OCLN: variants seen among roughly 807,000 people sequenced by gnomAD.
OCLN encodes the protein phosphatase 1, regulatory subunit 115.
Under a neutral mutation model 47.9 loss-of-function variants are expected in OCLN, and 21 were observed. The ratio of observed to expected loss-of-function variants is 0.44; its 90% confidence interval spans 0.31 to 0.63. The LOEUF (loss-of-function observed/expected upper bound fraction) is 0.63, where lower values mean the gene tolerates loss of function less well. Ranked by LOEUF, OCLN falls within the 30% of genes least tolerant of loss-of-function variation. OCLN has a pLI of 0.08. For missense variants in OCLN, 360 were observed against 571.0 expected, an observed-to-expected ratio of 0.63 and a Z score of 3.77; for synonymous variants, 117 against 198.4, an observed-to-expected ratio of 0.59 and a Z score of 3.45.
intron 4 of OCLN, among the ~76,000 whole-genome samples, chr5:69,514,914 G>C (rs1265025529): frequency 1.3e-5 from 2 of 152,184 alleles, no homozygotes; most frequent in Admixed American, 6.5e-5. Flanking sequence ...AAAGTCTCCC[G>C]TGTCTACCAC....
At position 69,509,620 on chromosome 5, in the gene OCLN, TAGTG is replaced by T; in HGVS notation, c.535_538del (p.Ser179LeufsTer15). 1 of 1,614,196 alleles carries T rather than the reference TAGTG, an allele frequency of 6.2e-7. No individual in the cohort carries two copies. Among genetic ancestry groups the T allele is most frequent in the Middle Eastern group, 1.6e-4 (1 of 6,062 alleles). On this transcript the variant is annotated frameshift_variant, in exon 3 of 9. Transcript: ENST00000396442. LOFTEE classifies it high-confidence loss of function. ...AGAAGATACTACTTAAGTGTGATAA[TAGTG>T]AGTGCTATCCTGGGCATCATGGTGT... is the stretch of plus-strand genomic sequence containing the variant.
rs757558128 is a variant in OCLN, at chr5:69,504,269, C to T, written c.25C>T (p.Pro9Ser). The T allele has an allele frequency of 6.2e-7, 1 of 1,608,258 alleles. No individual in the cohort carries two copies. Among genetic ancestry groups the T allele is most frequent in the Non-Finnish European group, 8.5e-7 (1 of 1,174,744 alleles). Residue 9 changes from proline to serine, a missense_variant, in exon 2 of 9, where the codon CCA (proline) becomes TCA (serine). Pro to Ser is a moderately conservative substitution (Grantham distance 74). Coordinates refer to ENST00000396442, the MANE Select transcript of OCLN (RefSeq NM_001205254.2). ...CATGTCATCCAGGCCTCTTGAAAGT[C>T]CACCTCCTTACAGGCCTGATGAATT... MSSRPLES[P>S]PPYRPDEFKP...
chr5:69,497,000 G>C (rs1017359792), intron 1 of OCLN, among the ~76,000 whole-genome samples: 7 of 152,092 alleles, frequency 4.6e-5, no homozygotes, highest in Non-Finnish European at 8.8e-5. Flanking sequence ...ATGTTGCTGT[G>C]CTGGGCATTG....
In OCLN at chr5:69,493,768, G is replaced by A. The variant is rs1768212001; in HGVS notation, c.-69+868G>A. 6.6e-6 allele frequency among the ~76,000 whole-genome samples: 1 copy of A among 152,206 alleles called. No homozygotes were observed. The highest frequency in any genetic ancestry group is 1.5e-5 in the Non-Finnish European group (1 of 68,014). ...TTTGGGGACCTCCGGGACTGGGCCG[G>A]CCCCGCGCGCCAGCCATGTTGCCTG... On this transcript the variant is annotated intron_variant, in intron 1 of 8. Transcript: ENST00000396442. This position sits in a 1 kb window ranked among gnomAD's most constrained non-coding sequence, Gnocchi z 5.3.
Position 69,509,404 on chromosome 5 carries a change from C to G in OCLN, c.314C>G (p.Pro105Arg), listed in dbSNP as rs1768706881. Reference sequence around the variant, plus strand: ...CTTTTAGGAGGTAGTGTAGGCTACCCTTATGGAGGAAGTGGCTTTGGTAGC... The same window carrying G: ...CTTTTAGGAGGTAGTGTAGGCTACCGTTATGGAGGAAGTGGCTTTGGTAGC... ...TSLLGGSVGY[P>R]YGGSGFGSYG... Residue 105 changes from proline (P) to arginine (R), a missense_variant, in exon 3 of 9, where the codon CCT becomes CGT. Physicochemically the swap from Pro to Arg is moderately radical, Grantham distance 103 (BLOSUM62 -2). Coordinates refer to ENST00000396442, the MANE Select transcript of OCLN (RefSeq NM_001205254.2). 6.2e-7 allele frequency: 1 copy of G among 1,614,016 alleles called. No homozygotes were observed. The highest frequency in any genetic ancestry group is 1.7e-5 in the Admixed American group (1 of 60,002).
intron 4 of OCLN, among the ~76,000 whole-genome samples, chr5:69,525,311 A>G (rs1769247691): frequency 6.6e-6 from 1 of 151,714 alleles, no homozygotes; most frequent in Non-Finnish European, 1.5e-5. Context: ...TCGCCATGTT[A>G]GCCAGGATGG....
intron 4 of OCLN, among the ~76,000 whole-genome samples, chr5:69,525,322 T>G (rs1004506470): frequency 6.6e-6 from 1 of 152,054 alleles, no homozygotes; most frequent in Non-Finnish European, 1.5e-5. Flanking sequence ...GCCAGGATGG[T>G]CTCGATCTCC....
chr5:69,515,142 C>T (rs1455114491), intron 4 of OCLN, among the ~76,000 whole-genome samples: 1 of 142,404 alleles, frequency 7.0e-6, no homozygotes, highest in Non-Finnish European at 1.5e-5. Flanking sequence ...GGGCGGCTGG[C>T]CGGGCGGGGG....
chr5:69,504,119 G>A (rs1768531246), intron 1 of OCLN, 58 bp from the exon 2 acceptor site: 1 of 745,328 alleles, frequency 1.3e-6, no homozygotes, highest in South Asian at 1.5e-5. Context: ...GTGGGATGAA[G>A]AAAAGAAAGA....
At chr5:69,502,111 A>G (rs1768474445) in intron 1 of OCLN, among the ~76,000 whole-genome samples, 1 of 152,042 alleles carries the variant, frequency 6.6e-6, no homozygotes, top group South Asian at 2.1e-4. Flanking sequence ...AGGCAGGAGA[A>G]TCGCTTGAAG....
At chr5:69,513,163 G>A (rs1315574722) in intron 3 of OCLN, among the ~76,000 whole-genome samples, 1 of 152,140 alleles carries the variant, frequency 6.6e-6, no homozygotes, top group East Asian at 1.9e-4. Context: ...CAGCTGGAAG[G>A]AGAGCCTCTT....
intron 4 of OCLN, among the ~76,000 whole-genome samples, chr5:69,529,406 C>T (rs1222083614): frequency 1.3e-5 from 2 of 152,206 alleles, no homozygotes; most frequent in African/African-American, 2.4e-5. Context: ...AATTTATCCT[C>T]ATAATTACCT....
At chr5:69,525,294 C>T (rs898924391) in intron 4 of OCLN, among the ~76,000 whole-genome samples, 2 of 151,680 alleles carry the variant, frequency 1.3e-5, no homozygotes, top group Admixed American at 6.6e-5. Flanking sequence ...TTAGTCTAGA[C>T]GGGGTTTCGC....
chr5:69,516,944 C>T (rs1481532609), intron 4 of OCLN, among the ~76,000 whole-genome samples: 10 of 152,080 alleles, frequency 6.6e-5, no homozygotes. Flanking sequence ...CCTGTAGTCC[C>T]AGCTACTCAG....
chr5:69,519,555 C>CTTTT (rs1289430207), intron 4 of OCLN, among the ~76,000 whole-genome samples: 6 of 152,100 alleles, frequency 3.9e-5, no homozygotes, highest in Non-Finnish European at 7.4e-5. Context: ...CTTTTATAGT[C>CTTTT]ACTCAGATGG....
intron 4 of OCLN, among the ~76,000 whole-genome samples, chr5:69,526,381 T>C (rs1256246538): frequency 6.6e-6 from 1 of 152,164 alleles, no homozygotes; most frequent in Non-Finnish European, 1.5e-5. Context: ...CTGCAGATGA[T>C]TGGCTCACAG....
chr5:69,533,050 CATATATACATAT>C (rs1769484457), intron 4 of OCLN, among the ~76,000 whole-genome samples: 1 of 143,140 alleles, frequency 7.0e-6, no homozygotes, highest in Non-Finnish European at 1.5e-5. Context: ...TATATATACA[CATATATACATAT>C]ATATATACAC....
chr5:69,509,082 G>C, intron 2 of OCLN, 59 bp from the exon 3 acceptor site: 2 of 1,389,762 alleles, frequency 1.4e-6, no homozygotes, highest in Non-Finnish European at 1.0e-6. Context: ...AATAAGTTGT[G>C]TTCTTTCTGC....
At chr5:69,519,454 G>A (rs549175677) in intron 4 of OCLN, among the ~76,000 whole-genome samples, 11 of 152,184 alleles carry the variant, frequency 7.2e-5, no homozygotes, top group South Asian at 6.2e-4. Context: ...GCCCTTCTTA[G>A]GGCTTTTTTT....
Sources: gnomAD v4.1 joint callset for allele counts (sites outside exome capture counted in the v4.1 genomes callset) on GRCh38, gnomAD v4.1.1 for gene constraint, Gnocchi (gnomAD v3.1) non-coding constraint, MANE v1.5 for transcripts, NCBI Gene and HGNC (gene_info 2026-07-23, HGNC 2026-07-21) for gene names.